Variants in AFF2 observed in about 807,000 individuals in gnomAD.
AFF2 encodes the protein AF4/FMR2 family member 2.
Under a neutral mutation model 76.9 loss-of-function variants are expected in AFF2, and 14 were observed. The ratio of observed to expected loss-of-function variants is 0.18; its 90% CI spans 0.12 to 0.28. AFF2 has a LOEUF of 0.28. Among genes scored for constraint, AFF2 ranks in the 10% least tolerant of loss-of-function variants. The pLI is 1.00. For missense variants in AFF2, 868 were observed against 1,001.1 expected, an observed-to-expected ratio of 0.87 and a Z score of 1.79; for synonymous variants, 398 against 366.7, an observed-to-expected ratio of 1.09 and a Z score of -0.98.
At chrX:148,805,966 G>A (rs1294090932) in intron 3 of AFF2, among the ~76,000 whole-genome samples, 2 of 112,471 alleles carry the variant, frequency 1.8e-5, no homozygotes, top group African/African-American at 6.5e-5. Flanking sequence ...CGGAGAGGGG[G>A]AATGAGAAAG....
intron 1 of AFF2, among the ~76,000 whole-genome samples, 162 bp downstream of exon 1, chrX:148,501,306 G>C (rs1229920876): frequency 7.1e-5 from 8 of 112,725 alleles, no homozygotes; most frequent in African/African-American, 2.6e-4. Context: ...TGACTCCTAG[G>C]TCGGATGCCG....
chrX:148,943,025 G>A (rs782608803), intron 9 of AFF2, among the ~76,000 whole-genome samples: 3 of 111,159 alleles, frequency 2.7e-5, no homozygotes, highest in African/African-American at 6.5e-5. Flanking sequence ...CATTTTCATG[G>A]TGGAAGACAG....
intron 5 of AFF2, among the ~76,000 whole-genome samples, chrX:148,838,947 T>C (rs1261023176): frequency 8.9e-6 from 1 of 112,116 alleles, no homozygotes; most frequent in Non-Finnish European, 1.9e-5. Context: ...GGGTGTGTGC[T>C]ATTCCTTTTT....
intron 1 of AFF2, among the ~76,000 whole-genome samples, chrX:148,560,100 C>T (rs1001162365): frequency 6.3e-5 from 7 of 110,975 alleles, no homozygotes; most frequent in Admixed American, 9.6e-5. Flanking sequence ...CTGTTCATAT[C>T]CTTCACCCAG....
At chrX:148,719,297 C>G (rs1411610744) in intron 3 of AFF2, 1 of 848,119 alleles carries the variant, frequency 1.2e-6, no homozygotes. Context: ...TAGCTTTTCT[C>G]TCTCTTTACA....
chrX:148,814,900 A>T (rs1182533439), intron 4 of AFF2, among the ~76,000 whole-genome samples: 5 of 112,039 alleles, frequency 4.5e-5, no homozygotes, highest in African/African-American at 1.6e-4. Flanking sequence ...AGGAAATTTG[A>T]TTATATTATC....
chrX:148,705,252 A>T (rs1035469300), intron 3 of AFF2, among the ~76,000 whole-genome samples: 4 of 111,916 alleles, frequency 3.6e-5, no homozygotes, highest in African/African-American at 1.3e-4. Flanking sequence ...TATGTCATAA[A>T]TGTTTGTGAA....
At chrX:148,873,082 C>T (rs782798396) in intron 7 of AFF2, among the ~76,000 whole-genome samples, 20 of 111,426 alleles carry the variant, frequency 1.8e-4, no homozygotes, top group Non-Finnish European at 3.2e-4. Context: ...TGCCTGCCTT[C>T]GGGTTTTATT....
At chrX:148,545,929 T>C (rs1369688058) in intron 1 of AFF2, among the ~76,000 whole-genome samples, 1 of 111,485 alleles carries the variant, frequency 9.0e-6, no homozygotes, top group Non-Finnish European at 1.9e-5. Context: ...CTTAATATTG[T>C]AATATTTTAC....
At chrX:148,919,764 C>T (rs973832813) in intron 9 of AFF2, among the ~76,000 whole-genome samples, 3 of 110,816 alleles carry the variant, frequency 2.7e-5, no homozygotes, top group South Asian at 7.8e-4. Flanking sequence ...AGGCTATATA[C>T]CCTTAATAAA....
At position 148,999,046 on chromosome X, in the gene AFF2, A is replaced by G. The variant is rs2072643197; in HGVS notation, c.*7714A>G. On this transcript the variant is annotated 3_prime_UTR_variant, in exon 21 of 21. Coordinates refer to ENST00000370460, the MANE Select transcript of AFF2 (RefSeq NM_002025.4). Reference sequence around the variant, plus strand: ...TGTTCATTGGGCCCTTTCACACCCCACAGTGATAAATGAAAAGGATAGAGG... The same window carrying G: ...TGTTCATTGGGCCCTTTCACACCCCGCAGTGATAAATGAAAAGGATAGAGG... The G allele has an allele frequency of 8.9e-6, 1 of 111,800 alleles. No individual in the cohort carries two copies. Among genetic ancestry groups the G allele is most frequent in the East Asian group, 2.8e-4 (1 of 3,571 alleles). 9.2% of individuals were successfully genotyped at this position (111,800 alleles called of 1,213,427 possible).
rs2072605853 is a variant in AFF2 at position 148,996,760 on chromosome X, T to C, written c.*5428T>C. The stretch of plus-strand genomic sequence containing the variant: ...CTCCTGAGCTGAAAGGAGAGATGGA[T>C]CAATGGAGATGGTTCCATCATCTCC... On this transcript the variant is annotated 3_prime_UTR_variant, in exon 21 of 21. Transcript: ENST00000370460. The C allele has an allele frequency of 8.9e-6, 1 of 111,979 alleles. No individual in the cohort carries two copies. The allele number at this position is 111,979 out of a possible 1,213,427, so 9.2% of individuals were successfully genotyped here.
At chrX:148,819,822 G>A (rs782096136) in intron 4 of AFF2, among the ~76,000 whole-genome samples, 1 of 111,779 alleles carries the variant, frequency 8.9e-6, no homozygotes, top group African/African-American at 3.2e-5. Flanking sequence ...TATGTGTGAT[G>A]TGAGGTATAG....
chrX:148,701,316 A>G (rs1348387246), intron 3 of AFF2, among the ~76,000 whole-genome samples: 1 of 111,496 alleles, frequency 9.0e-6, no homozygotes, highest in African/African-American at 3.3e-5. Context: ...TGGAACACTC[A>G]CTAGTTTTAA....
At chrX:148,883,877 G>T (rs1195092988) in intron 7 of AFF2, among the ~76,000 whole-genome samples, 1 of 110,749 alleles carries the variant, frequency 9.0e-6, no homozygotes, top group African/African-American at 3.3e-5. Context: ...GACTTTCTCT[G>T]TCTCTGAAAA....
At chrX:148,892,227 A>G (rs1426113070) in intron 8 of AFF2, among the ~76,000 whole-genome samples, 1 of 112,051 alleles carries the variant, frequency 8.9e-6, no homozygotes, top group Non-Finnish European at 1.9e-5. Flanking sequence ...CTGGAGATGT[A>G]TGGACTTTCC....
chrX:148,838,102 T>C (rs782565757), intron 5 of AFF2, among the ~76,000 whole-genome samples: 5 of 112,181 alleles, frequency 4.5e-5, no homozygotes, highest in African/African-American at 1.6e-4. Flanking sequence ...CTGATTTTCA[T>C]TTTTATCACC....
At chrX:148,681,695 G>A in intron 3 of AFF2, among the ~76,000 whole-genome samples, 1 of 108,394 alleles carries the variant, frequency 9.2e-6, no homozygotes, top group Non-Finnish European at 1.9e-5. Context: ...AAGAAAAAGA[G>A]AAAGAAAGAA....
chrX:148,537,218 A>G (rs782312328), intron 1 of AFF2, among the ~76,000 whole-genome samples: 8 of 112,327 alleles, frequency 7.1e-5, no homozygotes, highest in Middle Eastern at 4.6e-3. Context: ...GGAGCATACA[A>G]GAGGTTTGGA....
Sources: allele counts gnomAD v4.1 joint callset (sites outside exome capture counted in the v4.1 genomes callset), GRCh38; gene constraint gnomAD v4.1.1; transcripts MANE v1.5; gene names NCBI Gene and HGNC (gene_info 2026-07-23, HGNC 2026-07-21).